The following SAMD5 variants were observed in gnomAD, a reference collection of about 807,000 sequenced individuals.
The protein encoded by SAMD5 is sterile alpha motif domain-containing protein 5.
In SAMD5, 13 loss-of-function variants were observed where a neutral mutation model predicts 11.3. That is an observed-to-expected ratio of 1.15 (90% CI 0.75 to 1.83). SAMD5 has a LOEUF of 1.83. SAMD5 is among the 40% of genes most tolerant of loss of function. The pLI is 0.00. For missense variants in SAMD5, 255 were observed against 239.1 expected, an observed-to-expected ratio of 1.07 and a Z score of -0.44; for synonymous variants, 129 against 111.3, an observed-to-expected ratio of 1.16 and a Z score of -1.00.
chr6:147,769,013 C>T, the SAMD5 span, among the ~76,000 whole-genome samples: 1 of 152,114 alleles, frequency 6.6e-6, no homozygotes, highest in Non-Finnish European at 1.5e-5. Flanking sequence ...AGGTTGGTCT[C>T]GAACTCCTGA....
In SAMD5 at chr6:147,565,453, G is replaced by C; in HGVS notation, c.*997G>C. 1 of 972,192 alleles carries C rather than the reference G, an allele frequency of 1.0e-6. No individual in the cohort carries two copies. Among genetic ancestry groups the C allele is most frequent in the Non-Finnish European group, 1.2e-6 (1 of 824,698 alleles). 60.2% of individuals were successfully genotyped at this position (972,192 alleles called of 1,614,324 possible). The stretch of plus-strand genomic sequence containing the variant: ...TTATCGTCTTATCGTTCTTGTGTTT[G>C]GATGCTGGTAGTTTTTTTTTTTTTA... On this transcript the variant is annotated 3_prime_UTR_variant, in exon 2 of 2. Transcript: ENST00000367474.
chr6:147,761,107 C>T, the SAMD5 span, among the ~76,000 whole-genome samples: 1 of 152,134 alleles, frequency 6.6e-6, no homozygotes, highest in Non-Finnish European at 1.5e-5. Context: ...TAACAATTCT[C>T]TAATTAAAAT....
chr6:147,668,216 A>G lies in SAMD5; in HGVS notation c.163-69101A>G, dbSNP rs1045945615. On this transcript the variant is annotated intron_variant, in intron 1 of 1. Transcript: ENST00000566741. ...TTTGCAAACCTTCTCCTGTGCATCTATATACATACGCACATACGTATGTAG... is the reference window on the plus strand; with the variant it reads ...TTTGCAAACCTTCTCCTGTGCATCTGTATACATACGCACATACGTATGTAG... 6.6e-5 allele frequency among the ~76,000 whole-genome samples: 10 copies of G among 152,190 alleles called. No homozygotes were observed. In the East Asian group the frequency reaches 1.2e-3, roughly 18 times the overall value.
chr6:147,668,091 T>G (rs975024108), intron 1 of SAMD5, among the ~76,000 whole-genome samples: 29 of 152,180 alleles, frequency 1.9e-4, no homozygotes, highest in African/African-American at 6.3e-4. Flanking sequence ...AAATTCATAC[T>G]AAAATATATA....
At chr6:147,815,970 T>C in the SAMD5 span, among the ~76,000 whole-genome samples, 1 of 152,132 alleles carries the variant, frequency 6.6e-6, no homozygotes. Flanking sequence ...TTTACAGTAC[T>C]ATTCTAATAA....
intron 1 of SAMD5, among the ~76,000 whole-genome samples, chr6:147,551,513 C>CT (rs34055989): frequency 1.2e-4 from 18 of 150,642 alleles, no homozygotes; most frequent in Admixed American, 2.7e-4. Flanking sequence ...TTAACTAAGC[C>CT]TTTTTTTTTC....
chr6:147,594,004 C>T (rs2128447449), intron 1 of SAMD5, among the ~76,000 whole-genome samples: 1 of 150,526 alleles, frequency 6.6e-6, no homozygotes, highest in East Asian at 1.9e-4. Context: ...GTGCAGGTGC[C>T]TGTAATCCCA....
At chr6:147,776,045 T>G in the SAMD5 span, among the ~76,000 whole-genome samples, 1 of 152,212 alleles carries the variant, frequency 6.6e-6, no homozygotes, top group Non-Finnish European at 1.5e-5. Context: ...AAAGCTGAAG[T>G]CAAAGTTAAC....
chr6:147,950,572 A>C, the SAMD5 span, among the ~76,000 whole-genome samples: 1 of 152,174 alleles, frequency 6.6e-6, no homozygotes, highest in African/African-American at 2.4e-5. Context: ...GCTGTCAGGG[A>C]CAGTTCATGC....
chr6:147,649,878 C>G (rs963336898), intron 1 of SAMD5, among the ~76,000 whole-genome samples: 1 of 151,450 alleles, frequency 6.6e-6, no homozygotes. Context: ...AGTGACCGCT[C>G]TCCCCAGAAC....
chr6:147,867,815 T>C, the SAMD5 span, among the ~76,000 whole-genome samples: 12 of 152,180 alleles, frequency 7.9e-5, no homozygotes, highest in Non-Finnish European at 1.6e-4. Context: ...ATGTCCCAAA[T>C]AGTCAGCTTA....
chr6:147,954,502 T>A, the SAMD5 span, among the ~76,000 whole-genome samples: 1 of 152,174 alleles, frequency 6.6e-6, no homozygotes, highest in Non-Finnish European at 1.5e-5. Context: ...TGTAAGGTGT[T>A]TTTAAAACCT....
the SAMD5 span, among the ~76,000 whole-genome samples, chr6:147,749,258 C>T: frequency 6.6e-6 from 1 of 151,708 alleles, no homozygotes; most frequent in African/African-American, 2.4e-5. Flanking sequence ...CAACCACCAC[C>T]TCCTAGTTTC....
chr6:147,894,711 G>C, the SAMD5 span, among the ~76,000 whole-genome samples: 1 of 152,098 alleles, frequency 6.6e-6, no homozygotes, highest in Non-Finnish European at 1.5e-5. Flanking sequence ...TTTTCTATTT[G>C]CATAGAATTT....
intron 1 of SAMD5, among the ~76,000 whole-genome samples, chr6:147,734,867 G>T (rs1271088684): frequency 6.6e-6 from 1 of 151,946 alleles, no homozygotes; most frequent in East Asian, 1.9e-4. Context: ...TTTAAGGTAA[G>T]GCACCTAGGC....
the SAMD5 span, among the ~76,000 whole-genome samples, chr6:147,788,402 G>T: frequency 6.6e-6 from 1 of 152,130 alleles, no homozygotes; most frequent in African/African-American, 2.4e-5. Flanking sequence ...ATTATATTGA[G>T]AGAAAATTGA....
intron 1 of SAMD5, among the ~76,000 whole-genome samples, chr6:147,712,215 A>G (rs1185890485): frequency 1.3e-5 from 2 of 152,236 alleles, no homozygotes; most frequent in African/African-American, 4.8e-5. Flanking sequence ...CAACTCAATT[A>G]TATTTTGAAA....
chr6:147,943,076 C>A, the SAMD5 span, among the ~76,000 whole-genome samples: 1 of 152,102 alleles, frequency 6.6e-6, no homozygotes, highest in East Asian at 1.9e-4. Context: ...CCGCCTCGGC[C>A]TCCCAAAGTG....
At chr6:147,893,158 C>A in the SAMD5 span, among the ~76,000 whole-genome samples, 1 of 150,580 alleles carries the variant, frequency 6.6e-6, no homozygotes, top group Non-Finnish European at 1.5e-5. Flanking sequence ...GCCAAGATCA[C>A]GCTATTGCAC....
Sources: gnomAD v4.1 joint callset for allele counts (sites outside exome capture counted in the v4.1 genomes callset) on GRCh38, gnomAD v4.1.1 for gene constraint, MANE v1.5 for transcripts, NCBI Gene and HGNC (gene_info 2026-07-23, HGNC 2026-07-21) for gene names.